RASA1: variants seen among roughly 807,000 people sequenced by gnomAD.
RASA1 encodes ras GTPase-activating protein 1.
Under a neutral mutation model 132.2 loss-of-function variants are expected in RASA1, and 25 were observed. That is an observed-to-expected ratio of 0.19 (90% CI 0.14 to 0.26). RASA1 has a LOEUF of 0.26. Among genes scored for constraint, RASA1 ranks in the 10% least tolerant of loss-of-function variants. RASA1 has a pLI of 1.00. For synonymous variants in RASA1, 477 were observed against 449.9 expected, an observed-to-expected ratio of 1.06 and a Z score of -0.76; for missense variants, 964 against 1,299.2, an observed-to-expected ratio of 0.74 and a Z score of 3.97.
intron 7 of RASA1, among the ~76,000 whole-genome samples, chr5:87,348,222 A>AT (rs1333072057): frequency 6.6e-6 from 1 of 151,812 alleles, no homozygotes; most frequent in Non-Finnish European, 1.5e-5. Flanking sequence ...AAGGAGATTT[A>AT]TTTTTTTCTT....
chr5:87,353,004 G>A (rs1759386156), intron 8 of RASA1, among the ~76,000 whole-genome samples, 153 bp from the exon 9 acceptor site: 1 of 151,790 alleles, frequency 6.6e-6, no homozygotes, highest in Non-Finnish European at 1.5e-5. Flanking sequence ...TAATATGAAT[G>A]TTATGATCAT....
chr5:87,313,387 A>C lies in RASA1; in HGVS notation c.540-17961A>C, dbSNP rs532907958. ...AGTTTGGAAGCCGGGCTTTACCAAG[A>C]AAAAGAGGAAGGAGAGGTGAGAAAT... On this transcript the variant is annotated intron_variant, in intron 1 of 24. Transcript: ENST00000274376. Among the ~76,000 whole-genome samples, 9 of 152,286 alleles carry C rather than the reference A, an allele frequency of 5.9e-5. No individual in the cohort carries two copies. The South Asian group carries it at 1.9e-3, about 32-fold the overall frequency.
chr5:87,319,576 C>A (rs1756622112), intron 1 of RASA1, among the ~76,000 whole-genome samples: 1 of 152,222 alleles, frequency 6.6e-6, no homozygotes, highest in Non-Finnish European at 1.5e-5. Flanking sequence ...TTAGCCACAG[C>A]CACAGCTGGA....
intron 24 of RASA1, among the ~76,000 whole-genome samples, 183 bp from the exon 25 acceptor site, chr5:87,390,617 C>T (rs1057100639): frequency 4.6e-5 from 7 of 152,112 alleles, no homozygotes; most frequent in African/African-American, 1.7e-4. Context: ...TAAAAATTCT[C>T]TTAGTTATGA....
At chr5:87,311,889 C>T (rs529483171) in intron 1 of RASA1, among the ~76,000 whole-genome samples, 52 of 152,186 alleles carry the variant, frequency 3.4e-4, no homozygotes, top group Non-Finnish European at 6.8e-4. Flanking sequence ...TCTTATTAAG[C>T]AGGATATTTC....
At chr5:87,326,141 T>G (rs1757214900) in intron 1 of RASA1, among the ~76,000 whole-genome samples, 1 of 152,108 alleles carries the variant, frequency 6.6e-6, no homozygotes, top group Admixed American at 6.6e-5. Flanking sequence ...CTGGCTAATT[T>G]TTGTATTTTT....
chr5:87,277,221 C>T (rs974208126), intron 1 of RASA1, among the ~76,000 whole-genome samples: 17 of 152,078 alleles, frequency 1.1e-4, no homozygotes, highest in Non-Finnish European at 1.0e-4. Context: ...CTTTCCATTA[C>T]GTAGAATGTA....
intron 1 of RASA1, chr5:87,269,335 GTGT>G: frequency 3.9e-6 from 6 of 1,528,464 alleles, no homozygotes; most frequent in Non-Finnish European, 5.3e-6. Flanking sequence ...GGCAGTCATA[GTGT>G]ATATTAACTT....
rs1338464690 is a variant in RASA1, at chr5:87,382,530, G to A, written c.2691-1183G>A. Among the ~76,000 whole-genome samples, 6 of 152,212 alleles carry A rather than the reference G, an allele frequency of 3.9e-5. No homozygotes were observed. The South Asian group carries it at 1.0e-3, about 26-fold the overall frequency. On this transcript the variant is annotated intron_variant, in intron 20 of 24. Transcript: ENST00000274376. ...GGAATAATGCTTGTCTTTACATGGG[G>A]CAAGTAAGAGGTTAATTATTAGTGT...
chr5:87,334,980 T>G (rs1757860555), intron 4 of RASA1, among the ~76,000 whole-genome samples: 2 of 152,068 alleles, frequency 1.3e-5, no homozygotes, highest in African/African-American at 4.8e-5. Context: ...ACCTCCTGGG[T>G]TCAAGGGATT....
At chr5:87,386,297 A>G (rs1762057943) in intron 22 of RASA1, among the ~76,000 whole-genome samples, 1 of 152,074 alleles carries the variant, frequency 6.6e-6, no homozygotes, top group Non-Finnish European at 1.5e-5. Context: ...GGTTTTAAGT[A>G]GTCAGGATTT....
chr5:87,290,057 G>A (rs1567348), intron 1 of RASA1, among the ~76,000 whole-genome samples: 55,510 of 152,068 alleles, frequency 0.37, 10,558 homozygotes, highest in East Asian at 0.48. Context: ...TCCTGGAGCA[G>A]TCATCTTGAC....
In RASA1 at chr5:87,311,695, G is replaced by A. The variant is rs138557891; in HGVS notation, c.540-19653G>A. Among the ~76,000 whole-genome samples, 240 of 152,272 alleles carry A rather than the reference G, an allele frequency of 1.6e-3. 1 individual carries two copies. The highest frequency in any genetic ancestry group is 6.8e-3 in the Middle Eastern group (2 of 294). On this transcript the variant is annotated intron_variant, in intron 1 of 24. Transcript: ENST00000274376. ...CAGGAGAACTCACCTGAGTCTTGGT[G>A]TCCAGGGATCTTTTGGGTATCTTTC...
At position 87,268,941 on chromosome 5, in the gene RASA1, T is replaced by G; in HGVS notation, c.490T>G (p.Tyr164Asp). The G allele has an allele frequency of 6.2e-7, 1 of 1,614,134 alleles. No homozygotes were observed. Residue 164 changes from tyrosine to aspartate, a missense_variant, in exon 1 of 25, where the codon TAC becomes GAC. Tyr to Asp is a radical substitution (Grantham distance 160). Transcript: ENST00000274376. ...AGGTGACTCTCTGGATGGACCAGAATACGAGGAGGAAGAGGTGGCCATACC... is the reference window on the plus strand; with the variant it reads ...AGGTGACTCTCTGGATGGACCAGAAGACGAGGAGGAAGAGGTGGCCATACC... Reference protein sequence around the residue: ...DEGDSLDGPEYEEEEVAIPLT... With the variant: ...DEGDSLDGPEDEEEEVAIPLT...
At chr5:87,327,998 A>C (rs893612238) in intron 1 of RASA1, among the ~76,000 whole-genome samples, 1 of 151,604 alleles carries the variant, frequency 6.6e-6, no homozygotes, top group Non-Finnish European at 1.5e-5. Flanking sequence ...AGAACTTCCT[A>C]TGTGGACGTT....
intron 14 of RASA1, among the ~76,000 whole-genome samples, chr5:87,374,525 C>T (rs1761187203): frequency 6.9e-6 from 1 of 145,072 alleles, no homozygotes; most frequent in Non-Finnish European, 1.5e-5. Context: ...TTGGTTTTTC[C>T]ACTTAGTTAT....
At chr5:87,345,785 T>A (rs535288832) in intron 6 of RASA1, among the ~76,000 whole-genome samples, 1 of 152,284 alleles carries the variant, frequency 6.6e-6, no homozygotes, top group South Asian at 2.1e-4. Flanking sequence ...ATATTTACTT[T>A]CTAGCTTGCT....
chr5:87,366,693 T>C (rs1238050051), intron 11 of RASA1, among the ~76,000 whole-genome samples: 1 of 152,210 alleles, frequency 6.6e-6, no homozygotes. Flanking sequence ...ATGAAAAAGT[T>C]ATGTTCATGA....
At chr5:87,390,175 G>A (rs1762394107) in intron 24 of RASA1, among the ~76,000 whole-genome samples, 1 of 152,214 alleles carries the variant, frequency 6.6e-6, no homozygotes, top group Non-Finnish European at 1.5e-5. Context: ...GGTCAATTAA[G>A]ATATTGGAGA....
Sources: gnomAD v4.1 joint callset for allele counts (sites outside exome capture counted in the v4.1 genomes callset) on GRCh38, gnomAD v4.1.1 for gene constraint, MANE v1.5 for transcripts, NCBI Gene and HGNC (gene_info 2026-07-23, HGNC 2026-07-21) for gene names.